The following SETDB1 variants were observed in gnomAD, a reference collection of about 807,000 sequenced individuals.
The protein encoded by SETDB1 is histone-lysine N-methyltransferase SETDB1.
SETDB1 carries 31 observed loss-of-function variants against 137.4 expected under a neutral mutation model. The observed-to-expected ratio is 0.23, with a 90% CI of 0.17 to 0.30. The LOEUF is 0.30. Among genes scored for constraint, SETDB1 ranks in the 10% least tolerant of loss-of-function variants. The pLI is 1.00. For synonymous variants in SETDB1, 548 were observed against 579.9 expected (o/e 0.95, Z 0.79); for missense variants, 1,113 against 1,631.5 (o/e 0.68, Z 5.47).
At chr1:150,929,516 C>T (rs370004513) in intron 2 of SETDB1, among the ~76,000 whole-genome samples, 7 of 151,702 alleles carry the variant, frequency 4.6e-5, no homozygotes, top group African/African-American at 1.7e-4. Flanking sequence ...GTAGCTGGGA[C>T]GACAAGCGTG....
chr1:150,937,821 A>C (rs185963810), intron 3 of SETDB1, among the ~76,000 whole-genome samples: 21 of 152,338 alleles, frequency 1.4e-4, no homozygotes. Flanking sequence ...CATTATTCAT[A>C]ATAGGCAAAA....
At chr1:150,947,070 T>G (rs979355706) in intron 10 of SETDB1, 58 bp downstream of exon 10, 1 of 1,595,906 alleles carries the variant, frequency 6.3e-7, no homozygotes, top group Non-Finnish European at 8.6e-7. Flanking sequence ...CAAAGGAGAT[T>G]ATATACAATG....
chr1:150,947,010 T>C lies in SETDB1; in HGVS notation c.1265T>C (p.Met422Thr). The change falls in exon 10 of 22, where the codon ATG becomes ACG. Residue 422 changes from methionine to threonine, a missense_variant and splice_region_variant. Met to Thr is a moderately conservative substitution (Grantham distance 81). Transcript: ENST00000692827. ...GGACAGCTCAGGACACGTCCAAATA[T>C]GGGTATGTCCTGAAAGATTCCTGGA... ...KQGQLRTRPN[M>T]GAVRSKGPVV... 6.2e-7 allele frequency: 1 copy of C among 1,613,986 alleles called. No individual in the cohort carries two copies. Among genetic ancestry groups the C allele is most frequent in the Non-Finnish European group, 8.5e-7 (1 of 1,179,912 alleles).
chr1:150,935,610 G>A (rs1461715539), intron 3 of SETDB1, among the ~76,000 whole-genome samples: 1 of 151,914 alleles, frequency 6.6e-6, no homozygotes, highest in African/African-American at 2.4e-5. Context: ...CTAGTTCATT[G>A]ACTCCTGTTG....
intron 9 of SETDB1, among the ~76,000 whole-genome samples, chr1:150,945,530 C>T (rs1040572779): frequency 2.1e-4 from 32 of 152,084 alleles, no homozygotes; most frequent in African/African-American, 7.5e-4. Flanking sequence ...CCTTCTCTCT[C>T]CCTTCTTAGA....
rs964625965 is a variant in SETDB1 at position 150,926,495 on chromosome 1, C to G, written c.-34C>G. 1 of 325,132 alleles carries G rather than the reference C, an allele frequency of 3.1e-6. No individual in the cohort carries two copies. Among genetic ancestry groups the G allele is most frequent in the African/African-American group, 2.2e-5 (1 of 45,278 alleles). The allele number at this position is 325,132 out of a possible 1,614,324, so 20.1% of individuals were successfully genotyped here. On this transcript the variant is annotated 5_prime_UTR_variant, in exon 1 of 22. Coordinates refer to ENST00000692827, the MANE Select transcript of SETDB1 (RefSeq NM_001366418.1). Reference sequence around the variant, plus strand: ...CTGGGGTCTGGTTGGTGAAAAAGAGCCCTTGAAGCTGGAAGACGGGAGGTG... The same window carrying G: ...CTGGGGTCTGGTTGGTGAAAAAGAGGCCTTGAAGCTGGAAGACGGGAGGTG...
chr1:150,961,962 G>A, intron 16 of SETDB1, 168 bp from the exon 17 acceptor site: 1 of 755,502 alleles, frequency 1.3e-6, no homozygotes, highest in South Asian at 1.5e-5. Flanking sequence ...TCCAGCCAGG[G>A]AGTGTAGTGA....
chr1:150,963,908 C>A, intron 20 of SETDB1, 87 bp from the exon 21 acceptor site: 1 of 1,338,330 alleles, frequency 7.5e-7, no homozygotes, highest in Non-Finnish European at 1.1e-6. Context: ...GGTCAGATGG[C>A]ATCATTTTTC....
At position 150,942,554 on chromosome 1, in the gene SETDB1, C is replaced by T. The variant is rs747061672; in HGVS notation, c.548-9C>T. ...ATAACTCTTGAGAATAACTTTGCTTCTTCTATAGGAACCTTGAGTCAGATG... is the reference window on the plus strand; with the variant it reads ...ATAACTCTTGAGAATAACTTTGCTTTTTCTATAGGAACCTTGAGTCAGATG... On this transcript the variant is annotated splice_polypyrimidine_tract_variant and intron_variant, in intron 5 of 21. Transcript: ENST00000692827. 2 of 1,607,380 alleles carry T rather than the reference C, an allele frequency of 1.2e-6. No individual in the cohort carries two copies. Among genetic ancestry groups the T allele is most frequent in the East Asian group, 2.2e-5 (1 of 44,868 alleles).
At position 150,960,762 on chromosome 1, in the gene SETDB1, G is replaced by A. The variant is rs1469919635; in HGVS notation, c.2703G>A (p.Glu901=). The part of the protein sequence containing the change: ...DGNSGTEDPE[E]SNDDSSDDNF... The stretch of plus-strand genomic sequence containing the variant: ...ACAGCGGTACAGAGGACCCTGAAGA[G>A]TCCAATGATGATAGCTCAGATGATA... Residue 901 remains glutamate (E), a synonymous_variant, in exon 16 of 22, where the codon GAG becomes GAA. Coordinates refer to ENST00000692827, the MANE Select transcript of SETDB1 (RefSeq NM_001366418.1). 1.2e-6 allele frequency: 2 copies of A among 1,611,194 alleles called. No homozygotes were observed. The highest frequency in any genetic ancestry group is 3.4e-5 in the Admixed American group (2 of 59,684).
At chr1:150,929,933 G>C (rs956600513) in intron 2 of SETDB1, 34 bp from the exon 3 acceptor site, 2 of 1,597,388 alleles carry the variant, frequency 1.3e-6, no homozygotes, top group Non-Finnish European at 1.7e-6. Flanking sequence ...TCCTCTACTG[G>C]CTTTGACCTT....
intron 9 of SETDB1, 92 bp downstream of exon 9, chr1:150,945,200 G>A: frequency 6.4e-7 from 1 of 1,560,076 alleles, no homozygotes; most frequent in South Asian, 1.2e-5. Flanking sequence ...CTATTCCATA[G>A]CCTTCCTCTT....
At chr1:150,962,002 C>G in intron 16 of SETDB1, 128 bp from the exon 17 acceptor site, 1 of 1,103,928 alleles carries the variant, frequency 9.1e-7, no homozygotes, top group Non-Finnish European at 1.4e-6. Context: ...GAGTGGTTTA[C>G]CCACCCCACT....
intron 14 of SETDB1, among the ~76,000 whole-genome samples, chr1:150,956,183 C>T (rs1270952005): frequency 2.0e-5 from 3 of 151,130 alleles, no homozygotes; most frequent in Admixed American, 6.6e-5. Context: ...GTCAGGAATT[C>T]AAGATCAGCC....
intron 3 of SETDB1, among the ~76,000 whole-genome samples, chr1:150,939,063 C>T (rs951936915): frequency 2.6e-5 from 4 of 151,860 alleles, no homozygotes; most frequent in African/African-American, 7.3e-5. Flanking sequence ...CTCAGCTTCT[C>T]GTGAAGCCAT....
rs753158954 is a variant in SETDB1 at position 150,963,646 on chromosome 1, C to A, written c.3577C>A (p.Pro1193Thr). 23 of 1,614,138 alleles carry A rather than the reference C, an allele frequency of 1.4e-5. No individual in the cohort carries two copies. The highest frequency in any genetic ancestry group is 1.3e-4 in the East Asian group (6 of 44,876). The change falls in exon 20 of 22, where the codon CCT (proline) becomes ACT (threonine). Residue 1193 changes from proline to threonine, a missense_variant. Around this residue, in one of 11 missense-constraint regions of SETDB1, gnomAD observed 373 missense variants for 412.7 expected, o/e 0.90. Transcript: ENST00000692827. ...CTCTGTGGACAAGGGGGAGAGCGCACCTGTTCGTAAGAACACACGCCAATT... is the reference window on the plus strand; with the variant it reads ...CTCTGTGGACAAGGGGGAGAGCGCAACTGTTCGTAAGAACACACGCCAATT... ...MASVDKGESA[P>T]VRKNTRQFYD...
At chr1:150,958,774 CA>C (rs1219596056) in intron 14 of SETDB1, among the ~76,000 whole-genome samples, 1 of 151,868 alleles carries the variant, frequency 6.6e-6, no homozygotes, top group African/African-American at 2.4e-5. Context: ...GAAACCTCAC[CA>C]GGAATTTCTC....
chr1:150,950,690 C>G lies in SETDB1; in HGVS notation c.1816C>G (p.Leu606Val). 2 of 1,614,238 alleles carry G rather than the reference C, an allele frequency of 1.2e-6. No homozygotes were observed. Among genetic ancestry groups the G allele is most frequent in the Non-Finnish European group, 1.7e-6 (2 of 1,180,044 alleles). ...CAAGAACCCTCTGCTGGTCCCGTTA[C>G]TATATGACTTCCGGCGGATGACAGC... ...RGKNPLLVPL[L>V]YDFRRMTARR... Residue 606 changes from leucine to valine, a missense_variant, in exon 13 of 22, where the codon CTA becomes GTA. Coordinates refer to ENST00000692827, the MANE Select transcript of SETDB1 (RefSeq NM_001366418.1).
At chr1:150,952,998 C>T (rs1451584755) in intron 14 of SETDB1, among the ~76,000 whole-genome samples, 1 of 152,190 alleles carries the variant, frequency 6.6e-6, no homozygotes, top group Non-Finnish European at 1.5e-5. Flanking sequence ...ATTTAGGAAT[C>T]ATCAGCACAG....
Sources: allele counts gnomAD v4.1 joint callset (sites outside exome capture counted in the v4.1 genomes callset), GRCh38; gene constraint gnomAD v4.1.1; regional missense constraint gnomAD v4.1.1; transcripts MANE v1.5; gene names NCBI Gene and HGNC (gene_info 2026-07-23, HGNC 2026-07-21).